TIAM1: variants seen among roughly 807,000 people sequenced by gnomAD.
TIAM1 encodes the protein TIAM Rac1 associated GEF 1.
A neutral mutation model predicts 163.5 loss-of-function variants in TIAM1; 65 were observed. That is an observed-to-expected ratio of 0.40 (90% CI 0.33 to 0.49). TIAM1 has a LOEUF of 0.49. Among genes scored for constraint, TIAM1 ranks in the 20% least tolerant of loss-of-function variants. TIAM1 has a pLI of 0.77. For missense variants in TIAM1, 1,789 were observed against 2,044.7 expected, an observed-to-expected ratio of 0.87 and a Z score of 2.41; for synonymous variants, 833 against 810.1, an observed-to-expected ratio of 1.03 and a Z score of -0.48.
intron 6 of TIAM1, among the ~76,000 whole-genome samples, chr21:31,228,312 G>T: frequency 7.8e-6 from 1 of 128,356 alleles, no homozygotes; most frequent in Non-Finnish European, 1.6e-5. Flanking sequence ...CAAAGATATG[G>T]AGTAACCAGA....
At position 31,120,487 on chromosome 21, in the gene TIAM1, G is replaced by T; in HGVS notation, c.4657C>A (p.Leu1553Ile). ...CCCGACAGGGCAGCTTGCTTCTTGA[G>T]CTGTGCCATGCGGGACGCGTGACTA... is the stretch of plus-strand genomic sequence containing the variant. ...LDSHASRMAQ[L>I]KKQAALSGIN... Residue 1553 changes from leucine to isoleucine, a missense_variant, in exon 28 of 28, where the codon CTC becomes ATC. Coordinates refer to ENST00000541036, the MANE Select transcript of TIAM1 (RefSeq NM_001353694.2). The surrounding 1 kb of genome is among the most constrained non-coding windows in gnomAD (Gnocchi z 4.2). The T allele has an allele frequency of 6.2e-7, 1 of 1,614,210 alleles. No individual in the cohort carries two copies. The highest frequency in any genetic ancestry group is 8.5e-7 in the Non-Finnish European group (1 of 1,180,044).
Position 31,337,500 on chromosome 21 carries a change from T to TTTA in TIAM1, c.-189+1740_-189+1742dup, listed in dbSNP as rs1223724769. ...CTCCAAAGGGTTAATAATTGTTGTT[T>TTTA]TTATTATTATTATTGTTGTTATTAT... is the stretch of plus-strand genomic sequence containing the variant. On this transcript the variant is annotated intron_variant, in intron 2 of 27. Coordinates refer to ENST00000541036, the MANE Select transcript of TIAM1 (RefSeq NM_001353694.2). Among the ~76,000 whole-genome samples the TTTA allele has an allele frequency of 4.0e-5, 5 of 124,930 alleles. No homozygotes were observed. In the East Asian group the frequency reaches 8.2e-4, roughly 20 times the overall value. 82.0% of individuals were successfully genotyped at this position (124,930 alleles called of 152,430 possible). A position where few individuals can be genotyped will look rare whatever the true frequency, so the allele number is the denominator to read the frequency against.
intron 2 of TIAM1, among the ~76,000 whole-genome samples, chr21:31,448,354 C>T (rs1164921570): frequency 4.6e-5 from 7 of 152,128 alleles, no homozygotes; most frequent in Non-Finnish European, 1.0e-4. Context: ...CCTGTAATCC[C>T]AGTATTTTGA....
rs747589005 is a variant in TIAM1, at chr21:31,130,209, T to C, written c.4045+4A>G. The C allele has an allele frequency of 7.4e-6, 12 of 1,613,482 alleles. No individual in the cohort carries two copies. In the East Asian group the frequency reaches 2.5e-4, roughly 33 times the overall value. ...TGAAATACCCAGCACAGGTGAGAGT[T>C]TACCTGCACTCGCCAAAGCTCGAAC... On this transcript the variant is annotated splice_donor_region_variant and intron_variant, in intron 25 of 27. Coordinates refer to ENST00000541036, the MANE Select transcript of TIAM1 (RefSeq NM_001353694.2).
chr21:31,131,893 G>A (rs554580378), intron 23 of TIAM1, among the ~76,000 whole-genome samples: 1 of 152,324 alleles, frequency 6.6e-6, no homozygotes, highest in South Asian at 2.1e-4. Flanking sequence ...TTCGCCATAT[G>A]AAGCCACAGC....
chr21:31,375,235 GA>G (rs997983077), intron 2 of TIAM1, among the ~76,000 whole-genome samples: 18 of 151,958 alleles, frequency 1.2e-4, no homozygotes, highest in East Asian at 1.9e-4. Context: ...CTGTTTAATA[GA>G]AAAAAAAGTG....
Position 31,165,202 on chromosome 21 carries a change from C to T in TIAM1, c.2888-137G>A, listed in dbSNP as rs2084150283. Reference sequence around the variant, plus strand: ...AAGACCCTCCAAGTACAAGCTCCATCACCTGGGCTCAATCAAATTAAAATG... The same window carrying T: ...AAGACCCTCCAAGTACAAGCTCCATTACCTGGGCTCAATCAAATTAAAATG... On this transcript the variant is annotated intron_variant, in intron 15 of 27. Coordinates refer to ENST00000541036, the MANE Select transcript of TIAM1 (RefSeq NM_001353694.2). The T allele has an allele frequency of 7.9e-6, 5 of 632,824 alleles. No homozygotes were observed. The South Asian group carries it at 1.0e-4, about 13-fold the overall frequency. 39.2% of individuals were successfully genotyped at this position (632,824 alleles called of 1,614,324 possible). A position where few individuals can be genotyped will look rare whatever the true frequency, so the allele number is the denominator to read the frequency against.
Position 31,130,276 on chromosome 21 carries a change from G to T in TIAM1, c.3982C>A (p.Pro1328Thr). Residue 1328 changes from proline to threonine, a missense_variant, in exon 25 of 28, where the codon CCC (proline) becomes ACC (threonine). This residue lies in a region of TIAM1 where 415 missense variants were observed against 439.2 expected (regional missense o/e 0.94). Transcript: ENST00000541036. ...GGGATCATGTGTCGAAATCTGAAGGGGTCCCAGTCCTCATAAATGGAAAGC... is the reference window on the plus strand; with the variant it reads ...GGGATCATGTGTCGAAATCTGAAGGTGTCCCAGTCCTCATAAATGGAAAGC... ...HRLSIYEDWD[P>T]FRFRHMIPTE... 1 of 1,614,042 alleles carries T rather than the reference G, an allele frequency of 6.2e-7. No individual in the cohort carries two copies. The highest frequency in any genetic ancestry group is 8.5e-7 in the Non-Finnish European group (1 of 1,180,018).
intron 9 of TIAM1, among the ~76,000 whole-genome samples, chr21:31,215,117 T>C (rs2087107235): frequency 6.6e-6 from 1 of 152,050 alleles, no homozygotes; most frequent in Non-Finnish European, 1.5e-5. Context: ...TCATTTAAAT[T>C]CAGTCATATA....
chr21:31,515,902 G>A (rs1045410781), intron 1 of TIAM1, among the ~76,000 whole-genome samples: 4 of 151,948 alleles, frequency 2.6e-5, no homozygotes, highest in Non-Finnish European at 5.9e-5. Flanking sequence ...GAGGTCAGGA[G>A]TTCGAGACCA....
At chr21:31,387,377 C>A (rs1050986125) in intron 2 of TIAM1, among the ~76,000 whole-genome samples, 1 of 151,398 alleles carries the variant, frequency 6.6e-6, no homozygotes, top group African/African-American at 2.4e-5. Context: ...CACCCACTAC[C>A]ACACCCGGCT....
chr21:31,202,388 C>CA (rs11357943), intron 12 of TIAM1, among the ~76,000 whole-genome samples: 3,010 of 128,698 alleles, frequency 0.023, 46 homozygotes, highest in African/African-American at 0.036. Context: ...CCTGTCTCTA[C>CA]AAAAAAAAAA....
chr21:31,379,788 A>C (rs982941961), intron 2 of TIAM1, among the ~76,000 whole-genome samples: 7 of 152,238 alleles, frequency 4.6e-5, no homozygotes, highest in African/African-American at 1.7e-4. Context: ...TCCATACTGC[A>C]TAATTCCTTT....
intron 5 of TIAM1, among the ~76,000 whole-genome samples, chr21:31,247,428 AC>A (rs1423215778): frequency 3.9e-5 from 6 of 152,032 alleles, no homozygotes; most frequent in African/African-American, 1.4e-4. Flanking sequence ...ATGGGGTCCC[AC>A]TGTTGCTCAG....
chr21:31,403,567 G>A (rs191929072), intron 2 of TIAM1, among the ~76,000 whole-genome samples: 7 of 152,110 alleles, frequency 4.6e-5, no homozygotes, highest in Admixed American at 2.0e-4. Context: ...TTCAGGTAGC[G>A]CTACAGAACA....
Position 31,194,890 on chromosome 21 carries a change from A to G in TIAM1, c.2575+334T>C, listed in dbSNP as rs1281076476. Among the ~76,000 whole-genome samples, 4 of 152,328 alleles carry G rather than the reference A, an allele frequency of 2.6e-5. No individual in the cohort carries two copies. In the East Asian group the frequency reaches 7.7e-4, roughly 29 times the overall value. ...CATTCTATTTTGTAGAATGGAGGCT[A>G]TCCCATGCATGAATCACAAATAAAA... On this transcript the variant is annotated intron_variant, in intron 13 of 27. Transcript: ENST00000541036.
Position 31,178,303 on chromosome 21 carries a change from CTTTTT to C in TIAM1, c.2887+4113_2887+4117del, listed in dbSNP as rs10671534. On this transcript the variant is annotated intron_variant, in intron 15 of 27. Transcript: ENST00000541036. ...CTACTTGACCAAGTATTCAGGAATT[CTTTTT>C]TTTTTTTTTTTTTTTTTTGAGACGG... Among the ~76,000 whole-genome samples, 5 of 96,164 alleles carry C rather than the reference CTTTTT, an allele frequency of 5.2e-5. No individual in the cohort carries two copies. In the East Asian group the frequency reaches 1.9e-3, roughly 36 times the overall value. 63.1% of individuals were successfully genotyped at this position (96,164 alleles called of 152,430 possible). A position where few individuals can be genotyped will look rare whatever the true frequency, so the allele number is the denominator to read the frequency against.
chr21:31,215,568 G>GAAAAAAAAAAAAA (rs398040071), intron 9 of TIAM1, among the ~76,000 whole-genome samples: 1 of 75,546 alleles, frequency 1.3e-5, no homozygotes, highest in Admixed American at 1.4e-4. Flanking sequence ...TCTCAAAAAA[G>GAAAAAAAAAAAAA]AAAAAAAAAA....
intron 2 of TIAM1, among the ~76,000 whole-genome samples, chr21:31,361,553 TAAG>T (rs908034235): frequency 2.0e-5 from 3 of 152,176 alleles, no homozygotes; most frequent in African/African-American, 7.2e-5. Context: ...TTTCACAATT[TAAG>T]AAGAGTTATA....
Sources: allele counts gnomAD v4.1 joint callset (sites outside exome capture counted in the v4.1 genomes callset), GRCh38; gene constraint gnomAD v4.1.1; regional missense constraint gnomAD v4.1.1; non-coding constraint Gnocchi (gnomAD v3.1); transcripts MANE v1.5; gene names NCBI Gene and HGNC (gene_info 2026-07-23, HGNC 2026-07-21).